CEP128: variants seen among roughly 807,000 people sequenced by gnomAD.
CEP128 encodes centrosomal protein 128kDa.
A neutral mutation model predicts 156.7 loss-of-function variants in CEP128; 132 were observed. That is an observed-to-expected ratio of 0.84 (90% CI 0.73 to 0.97). The LOEUF (loss-of-function observed/expected upper bound fraction) is 0.97. CEP128 is among the 50% of genes least tolerant of loss of function. The pLI is 0.00. For synonymous variants in CEP128, 469 were observed against 448.9 expected (o/e 1.04, Z -0.57); for missense variants, 1,252 against 1,281.9 (o/e 0.98, Z 0.36).
At chr14:80,478,068 C>T (rs921529060) in exon 15 of CEP128, 6 of 152,114 alleles carry the variant, frequency 3.9e-5, no homozygotes, top group Non-Finnish European at 5.9e-5. Flanking sequence ...CAGTTTTTTC[C>T]CCCCTTTTTT....
chr14:80,900,172 G>T, intron 6 of CEP128, 143 bp from the exon 7 acceptor site: 1 of 527,824 alleles, frequency 1.9e-6, no homozygotes, highest in Non-Finnish European at 3.2e-6. Flanking sequence ...CACCTACTCT[G>T]AAAGAAAAAA....
In CEP128 at chr14:80,939,460, A is replaced by G. The variant is rs1440992302; in HGVS notation, c.-91T>C. On this transcript the variant is annotated 5_prime_UTR_variant, in exon 2 of 25. Transcript: ENST00000555265. ...TTTTAGGCACATATGTCTGCCTCCT[A>G]TCATTTCTTCATGAGGTTCAGGGCA... 2.0e-5 allele frequency: 3 copies of G among 152,152 alleles called. No homozygotes were observed. The highest frequency in any genetic ancestry group is 4.4e-5 in the Non-Finnish European group (3 of 68,040). The allele number at this position is 152,152 out of a possible 1,614,324, so 9.4% of individuals were successfully genotyped here. A position where few individuals can be genotyped will look rare whatever the true frequency, so the allele number is the denominator to read the frequency against.
chr14:80,554,530 A>G (rs1001262657), intron 21 of CEP128, among the ~76,000 whole-genome samples: 1 of 152,136 alleles, frequency 6.6e-6, no homozygotes, highest in African/African-American at 2.4e-5. Context: ...ATTGACTAAA[A>G]ATAGTTGATT....
In CEP128 at chr14:80,668,274, A is replaced by C. The variant is rs150292447; in HGVS notation, c.2806+74801T>G. On this transcript the variant is annotated intron_variant, in intron 19 of 24. Transcript: ENST00000555265. Reference sequence around the variant, plus strand: ...GGATTCCACCAGAGCCTGTAAATTTATCTCTCTGAAAGAAGAAAGAAAATT... The same window carrying C: ...GGATTCCACCAGAGCCTGTAAATTTCTCTCTCTGAAAGAAGAAAGAAAATT... 3.2e-3 allele frequency among the ~76,000 whole-genome samples: 489 copies of C among 152,344 alleles called. 1 individual carries two copies. Among genetic ancestry groups the C allele is most frequent in the African/African-American group, 0.011 (467 of 41,580 alleles).
chr14:80,723,078 G>A (rs557834519), intron 19 of CEP128, among the ~76,000 whole-genome samples: 7 of 151,952 alleles, frequency 4.6e-5, no homozygotes, highest in Non-Finnish European at 8.8e-5. Context: ...CGCCCGCCTC[G>A]GCCTCCCAAA....
intron 19 of CEP128, among the ~76,000 whole-genome samples, chr14:80,701,873 T>C (rs1024861501): frequency 6.6e-6 from 1 of 152,174 alleles, no homozygotes; most frequent in African/African-American, 2.4e-5. Flanking sequence ...CCGGATACAT[T>C]GCAGCCACGA....
chr14:80,602,822 G>C (rs546364868), intron 19 of CEP128, among the ~76,000 whole-genome samples: 4 of 151,886 alleles, frequency 2.6e-5, no homozygotes, highest in Admixed American at 6.6e-5. Context: ...ATTATACAAA[G>C]TATGTCCTCA....
At chr14:80,860,305 A>T (rs1274736447) in intron 9 of CEP128, among the ~76,000 whole-genome samples, 1 of 152,156 alleles carries the variant, frequency 6.6e-6, no homozygotes, top group African/African-American at 2.4e-5. Context: ...CAAAATATGA[A>T]ATTAAATAGT....
In CEP128 at chr14:80,777,972, G is replaced by T. The variant is rs114432307; in HGVS notation, c.2286C>A (p.Asp762Glu). 14 of 1,612,968 alleles carry T rather than the reference G, an allele frequency of 8.7e-6. No individual in the cohort carries two copies. The highest frequency in any genetic ancestry group is 3.3e-4 in the Middle Eastern group (2 of 6,054). ...TCTGGGTTAATTCCTCTGTCAGTCTGTCACACTGTGATTTCAACTTCTCCA... is the reference window on the plus strand; with the variant it reads ...TCTGGGTTAATTCCTCTGTCAGTCTTTCACACTGTGATTTCAACTTCTCCA... Reference protein sequence around the residue: ...GQLEKLKSQCDRLTEELTQNE... With the variant: ...GQLEKLKSQCERLTEELTQNE... The change falls in exon 16 of 25, where the codon GAC (aspartate) becomes GAA (glutamate). Residue 762 changes from aspartate (D) to glutamate (E), a missense_variant. Coordinates refer to ENST00000555265, the MANE Select transcript of CEP128 (RefSeq NM_152446.5).
In CEP128 at chr14:80,872,884, T is replaced by A. The variant is rs150586753; in HGVS notation, c.646-10011A>T. Among the ~76,000 whole-genome samples the A allele has an allele frequency of 2.6e-4, 40 of 152,342 alleles. 1 individual carries two copies. Among genetic ancestry groups the A allele is most frequent in the African/African-American group, 9.6e-4 (40 of 41,584 alleles). On this transcript the variant is annotated intron_variant, in intron 8 of 24. Coordinates refer to ENST00000555265, the MANE Select transcript of CEP128 (RefSeq NM_152446.5). The stretch of plus-strand genomic sequence containing the variant: ...AACATCATGTGGCCTTCAGAAGACC[T>A]TCTTAATTCCAACAATGTTATTATT...
At chr14:80,521,829 C>G (rs1174849683) in intron 23 of CEP128, among the ~76,000 whole-genome samples, 1 of 152,198 alleles carries the variant, frequency 6.6e-6, no homozygotes, top group African/African-American at 2.4e-5. Context: ...CCCATACAAT[C>G]TAGTAGAAGG....
In CEP128 at chr14:80,790,078, A is replaced by C. The variant is rs558260550; in HGVS notation, c.1560+2682T>G. On this transcript the variant is annotated intron_variant, in intron 14 of 24. Coordinates refer to ENST00000555265, the MANE Select transcript of CEP128 (RefSeq NM_152446.5). ...GATTTTACAAGATAGCATATATTAC[A>C]TATAACTCTTTTTTTCTGTCAGCAG... Among the ~76,000 whole-genome samples, 11 of 152,246 alleles carry C rather than the reference A, an allele frequency of 7.2e-5. No homozygotes were observed. In the South Asian group the frequency reaches 2.1e-3, roughly 29 times the overall value.
intron 4 of CEP128, among the ~76,000 whole-genome samples, chr14:80,913,393 C>T (rs961419985): frequency 6.6e-6 from 1 of 152,126 alleles, no homozygotes; most frequent in Non-Finnish European, 1.5e-5. Context: ...AATTTTAAAA[C>T]GTTGTATAAC....
chr14:80,497,570 C>A lies in CEP128; in HGVS notation c.3194G>T (p.Arg1065Ile). Residue 1065 changes from arginine (R) to isoleucine (I), a missense_variant, in exon 25 of 25, where the codon AGA becomes ATA. By Grantham distance (97) the Arg-to-Ile change is moderately conservative. Transcript: ENST00000555265. Reference sequence around the variant, plus strand: ...TGAAGCTGAATCTGGAGCAACAGTTCTTTTGGTAAATGCTGGCAAGGTAAG... The same window carrying A: ...TGAAGCTGAATCTGGAGCAACAGTTATTTTGGTAAATGCTGGCAAGGTAAG... ...RFSYVNSFTK[R>I]TVAPDSASNK... is the part of the protein sequence containing the mutation. 1 of 1,611,604 alleles carries A rather than the reference C, an allele frequency of 6.2e-7. No homozygotes were observed. Among genetic ancestry groups the A allele is most frequent in the Non-Finnish European group, 8.5e-7 (1 of 1,178,344 alleles).
At chr14:80,527,384 T>C (rs1889025294) in intron 22 of CEP128, 2 of 248,242 alleles carry the variant, frequency 8.1e-6, no homozygotes, top group African/African-American at 4.6e-5. Flanking sequence ...TGCAGTGAGA[T>C]TGTGCTACTG....
intron 19 of CEP128, among the ~76,000 whole-genome samples, chr14:80,627,007 ACTTTT>A (rs1893757910): frequency 6.6e-6 from 1 of 152,194 alleles, no homozygotes; most frequent in African/African-American, 2.4e-5. Context: ...GAGATTAATG[ACTTTT>A]CTTTTATATT....
intron 19 of CEP128, among the ~76,000 whole-genome samples, chr14:80,661,578 G>T (rs553088706): frequency 6.6e-6 from 1 of 152,122 alleles, no homozygotes; most frequent in African/African-American, 2.4e-5. Flanking sequence ...CAAATTATTT[G>T]TAAGAACTTC....
At chr14:80,929,492 C>T (rs34929621) in intron 2 of CEP128, among the ~76,000 whole-genome samples, 9,738 of 152,078 alleles carry the variant, frequency 0.064, 1,028 homozygotes, top group African/African-American at 0.22. Flanking sequence ...CTGATGAGTG[C>T]ATAAGGAAAA....
chr14:80,489,830 C>T (rs191845616), downstream of CEP128, among the ~76,000 whole-genome samples: 1 of 151,616 alleles, frequency 6.6e-6, no homozygotes, highest in Non-Finnish European at 1.5e-5. Flanking sequence ...CACTTACCAC[C>T]TCCTGACCAG....
Sources: gnomAD v4.1 joint callset for allele counts (sites outside exome capture counted in the v4.1 genomes callset) on GRCh38, gnomAD v4.1.1 for gene constraint, MANE v1.5 for transcripts, NCBI Gene and HGNC (gene_info 2026-07-23, HGNC 2026-07-21) for gene names.